SIN3A: variants seen among roughly 807,000 people sequenced by gnomAD.
The protein encoded by SIN3A is paired amphipathic helix protein Sin3a.
SIN3A carries 14 observed loss-of-function variants against 146.1 expected under a neutral mutation model. The observed-to-expected ratio is 0.10, with a 90% CI of 0.06 to 0.15. The LOEUF is 0.15. Ranked by LOEUF, SIN3A falls within the 10% of genes least tolerant of loss-of-function variation. SIN3A has a pLI of 1.00. For missense variants in SIN3A, 1,028 were observed against 1,576.0 expected, an observed-to-expected ratio of 0.65 and a Z score of 5.89; for synonymous variants, 572 against 572.0, an observed-to-expected ratio of 1.00 and a Z score of 0.00.
intron 12 of SIN3A, among the ~76,000 whole-genome samples, chr15:75,397,981 G>A (rs1320804134): frequency 6.6e-6 from 1 of 152,150 alleles, no homozygotes; most frequent in Non-Finnish European, 1.5e-5. Flanking sequence ...AAATGCTGGG[G>A]CAAAGATGGC....
intron 12 of SIN3A, among the ~76,000 whole-genome samples, chr15:75,397,478 C>T (rs1215553645): frequency 2.6e-5 from 4 of 152,164 alleles, no homozygotes; most frequent in African/African-American, 9.7e-5. Flanking sequence ...TCTTTTCCTC[C>T]TAGTGACTAG....
Position 75,410,155 on chromosome 15 carries a change from T to C in SIN3A, c.1140A>G (p.Leu380=), listed in dbSNP as rs147348277. 329 of 1,614,152 alleles carry C rather than the reference T, an allele frequency of 2.0e-4. 1 individual carries two copies. The African/African-American group carries it at 2.6e-3, about 13-fold the overall frequency. Residue 380 remains leucine (L), a synonymous_variant, in exon 7 of 21, where the codon CTA becomes CTG. Transcript: ENST00000394947. ...ATACCACGGAGCTGTTGGCATCTGG[T>C]AGGAATTGTCCAAACTCTGACAACA... ...EDLLSEFGQF[L]PDANSSVLLS...
At chr15:75,446,111 G>A (rs748123235) in intron 1 of SIN3A, 5 of 152,174 alleles carry the variant, frequency 3.3e-5, no homozygotes, top group Non-Finnish European at 7.3e-5. Context: ...TTATATTTTA[G>A]TGAAAGATGA....
intron 1 of SIN3A, among the ~76,000 whole-genome samples, chr15:75,444,700 A>C (rs113065298): frequency 1.6e-3 from 247 of 152,194 alleles, no homozygotes; most frequent in African/African-American, 5.8e-3. Flanking sequence ...CTTCGGTGAC[A>C]CTGATGTTAC....
At chr15:75,426,030 C>T (rs1348675314) in intron 2 of SIN3A, among the ~76,000 whole-genome samples, 1 of 152,204 alleles carries the variant, frequency 6.6e-6, no homozygotes, top group Non-Finnish European at 1.5e-5. Flanking sequence ...GGCTAGTATT[C>T]TGAGCTTCTG....
At chr15:75,373,881 C>T (rs916679317) in intron 20 of SIN3A, among the ~76,000 whole-genome samples, 4 of 152,074 alleles carry the variant, frequency 2.6e-5, no homozygotes, top group Non-Finnish European at 5.9e-5. Flanking sequence ...TTGGGGGAGT[C>T]AAAAATTATA....
At chr15:75,440,152 AAAATAAAT>A (rs925787062) in intron 1 of SIN3A, among the ~76,000 whole-genome samples, 1 of 151,932 alleles carries the variant, frequency 6.6e-6, no homozygotes, top group African/African-American at 2.4e-5. Flanking sequence ...CTCCCTCTCA[AAAATAAAT>A]AAATAAATAA....
Position 75,435,798 on chromosome 15 carries a change from T to G in SIN3A, c.-33-5390A>C, listed in dbSNP as rs1005180106. On this transcript the variant is annotated intron_variant, in intron 1 of 20. Coordinates refer to ENST00000394947, the MANE Select transcript of SIN3A (RefSeq NM_001145358.2). ...TACACATACAAAATGTACTAAAGAT[T>G]TGTACATTTCATTGTATGTAAAATT... Among the ~76,000 whole-genome samples, 5 of 152,162 alleles carry G rather than the reference T, an allele frequency of 3.3e-5. No homozygotes were observed. The East Asian group carries it at 9.6e-4, about 29-fold the overall frequency.
At chr15:75,425,262 C>A (rs1340834939) in intron 2 of SIN3A, among the ~76,000 whole-genome samples, 3 of 152,206 alleles carry the variant, frequency 2.0e-5, no homozygotes, top group Non-Finnish European at 4.4e-5. Context: ...CCTGTGCCTC[C>A]CAGGTTCAAG....
intron 9 of SIN3A, among the ~76,000 whole-genome samples, chr15:75,404,480 A>G (rs144092974): frequency 1.5e-3 from 225 of 152,310 alleles, no homozygotes; most frequent in Non-Finnish European, 2.2e-3. Context: ...CCATTACAGG[A>G]CTGGGTGCAG....
At chr15:75,430,077 C>T (rs1224749770) in intron 2 of SIN3A, 110 bp downstream of exon 2, 3 of 766,056 alleles carry the variant, frequency 3.9e-6, no homozygotes, top group African/African-American at 1.8e-5. Context: ...TTACCTTACA[C>T]ATACTCAACA....
chr15:75,406,604 G>A (rs1165394090), intron 9 of SIN3A, among the ~76,000 whole-genome samples: 3 of 152,088 alleles, frequency 2.0e-5, no homozygotes, highest in Non-Finnish European at 4.4e-5. Context: ...GGAGAATGGC[G>A]TGAACCCCAG....
chr15:75,414,186 A>G lies in SIN3A; in HGVS notation c.473+19T>C. The G allele has an allele frequency of 1.6e-6, 2 of 1,280,042 alleles. No individual in the cohort carries two copies. Among genetic ancestry groups the G allele is most frequent in the South Asian group, 1.5e-5 (1 of 64,816 alleles). The allele number at this position is 1,280,042 out of a possible 1,614,324, so 79.3% of individuals were successfully genotyped here. A position where few individuals can be genotyped will look rare whatever the true frequency, so the allele number is the denominator to read the frequency against. On this transcript the variant is annotated intron_variant, in intron 4 of 20. Coordinates refer to ENST00000394947, the MANE Select transcript of SIN3A (RefSeq NM_001145358.2). The stretch of plus-strand genomic sequence containing the variant: ...AATATGCCAGATACAAAGCTTGAGT[A>G]CAATCACACATCTTTTACCTCTGAG...
chr15:75,426,682 C>A (rs1178672861), intron 2 of SIN3A, among the ~76,000 whole-genome samples: 1 of 152,120 alleles, frequency 6.6e-6, no homozygotes, highest in East Asian at 1.9e-4. Flanking sequence ...GTAATCCTAG[C>A]AGTTTGGGAG....
Position 75,389,828 on chromosome 15 carries a change from G to T in SIN3A, c.2852-7C>A. On this transcript the variant is annotated splice_region_variant and splice_polypyrimidine_tract_variant and intron_variant, in intron 15 of 20. Transcript: ENST00000394947. Reference sequence around the variant, plus strand: ...TCTTCTACATCAACATCCACTGTGGGAGAGATGGGATTGGTGAGGCCTTAC... The same window carrying T: ...TCTTCTACATCAACATCCACTGTGGTAGAGATGGGATTGGTGAGGCCTTAC... 1 of 1,613,752 alleles carries T rather than the reference G, an allele frequency of 6.2e-7. No individual in the cohort carries two copies. The highest frequency in any genetic ancestry group is 8.5e-7 in the Non-Finnish European group (1 of 1,179,748).
chr15:75,408,553 C>A (rs948867496), intron 8 of SIN3A, among the ~76,000 whole-genome samples: 2 of 152,194 alleles, frequency 1.3e-5, no homozygotes, highest in Non-Finnish European at 2.9e-5. Flanking sequence ...ACATTCAATA[C>A]ATACAACTAG....
At chr15:75,416,927 G>A (rs556999204) in intron 3 of SIN3A, among the ~76,000 whole-genome samples, 3 of 152,202 alleles carry the variant, frequency 2.0e-5, no homozygotes, top group Admixed American at 2.0e-4. Flanking sequence ...GTCAGGGTTG[G>A]CTTGTGAAAA....
chr15:75,448,726 G>A (rs911936321), intron 1 of SIN3A, among the ~76,000 whole-genome samples: 2 of 152,150 alleles, frequency 1.3e-5, no homozygotes, highest in Admixed American at 1.3e-4. Context: ...GAATGCCAGG[G>A]ATATAACCTC....
intron 3 of SIN3A, chr15:75,420,004 G>C (rs150711769): frequency 1.3e-5 from 2 of 151,896 alleles, no homozygotes; most frequent in Admixed American, 6.6e-5. Context: ...TACAGTTCTA[G>C]GTAGCACAAC....
Sources: allele counts gnomAD v4.1 joint callset (sites outside exome capture counted in the v4.1 genomes callset), GRCh38; gene constraint gnomAD v4.1.1; transcripts MANE v1.5; gene names NCBI Gene and HGNC (gene_info 2026-07-23, HGNC 2026-07-21).